DOCK1: variants seen among roughly 807,000 people sequenced by gnomAD.
DOCK1 encodes dedicator of cytokinesis 1.
In DOCK1, 138 loss-of-function variants were observed where a neutral mutation model predicts 262.7. That is an observed-to-expected ratio of 0.53 (90% CI 0.46 to 0.61). The LOEUF (loss-of-function observed/expected upper bound fraction) is 0.61, where lower values mean the gene tolerates loss of function less well. Ranked by LOEUF, DOCK1 falls within the 20% of genes least tolerant of loss-of-function variation. The pLI, the probability that DOCK1 is intolerant of heterozygous loss-of-function variation, is 0.00. For synonymous variants in DOCK1, 866 were observed against 867.4 expected, an observed-to-expected ratio of 1.00 and a Z score of 0.03; for missense variants, 1,908 against 2,370.7, an observed-to-expected ratio of 0.80 and a Z score of 4.05.
Position 127,102,283 on chromosome 10 carries a change from G to A in DOCK1, c.2446-3948G>A, listed in dbSNP as rs541879139. On this transcript the variant is annotated intron_variant, in intron 23 of 51. Coordinates refer to ENST00000623213, the MANE Select transcript of DOCK1 (RefSeq NM_001290223.2). Reference sequence around the variant, plus strand: ...TTCACATGTCTCCACTGTCTCCTCCGTGAAAGGGGATAGTAATAGGCCTCC... The same window carrying A: ...TTCACATGTCTCCACTGTCTCCTCCATGAAAGGGGATAGTAATAGGCCTCC... Among the ~76,000 whole-genome samples the A allele has an allele frequency of 2.6e-5, 4 of 152,288 alleles. No homozygotes were observed. In the South Asian group the frequency reaches 6.2e-4, roughly 24 times the overall value.
intron 1 of DOCK1, among the ~76,000 whole-genome samples, chr10:126,923,196 G>A (rs1206368591): frequency 1.3e-5 from 2 of 152,214 alleles, no homozygotes; most frequent in Non-Finnish European, 2.9e-5. Flanking sequence ...TGGCCCATAG[G>A]CTGTAGTTTG....
intron 29 of DOCK1, among the ~76,000 whole-genome samples, chr10:127,312,816 T>G (rs576358255): frequency 7.5e-6 from 1 of 132,912 alleles, no homozygotes; most frequent in Admixed American, 7.8e-5. Flanking sequence ...ACTCCCTCCC[T>G]CCTTCCCTCC....
At chr10:127,144,149 C>G (rs1432294326) in intron 27 of DOCK1, among the ~76,000 whole-genome samples, 1 of 152,170 alleles carries the variant, frequency 6.6e-6, no homozygotes, top group Non-Finnish European at 1.5e-5. Context: ...AGCTTAGTCT[C>G]CCTCACTCTC....
At chr10:127,151,025 G>T (rs2489390) in intron 27 of DOCK1, among the ~76,000 whole-genome samples, 1 of 152,170 alleles carries the variant, frequency 6.6e-6, no homozygotes, top group South Asian at 2.1e-4. Context: ...AGTTAGGTAC[G>T]TGTCAATTTT....
intron 1 of DOCK1, among the ~76,000 whole-genome samples, chr10:126,913,683 G>C (rs1007550380): frequency 2.6e-5 from 4 of 152,174 alleles, no homozygotes; most frequent in Non-Finnish European, 5.9e-5. Context: ...GAGTATCCAC[G>C]CAGGCACTCC....
At chr10:127,443,313 C>T (rs2070312173) in intron 49 of DOCK1, among the ~76,000 whole-genome samples, 1 of 151,748 alleles carries the variant, frequency 6.6e-6, no homozygotes, top group African/African-American at 2.4e-5. Flanking sequence ...GCCAAGAGAC[C>T]AATTAGTAAA....
intron 35 of DOCK1, among the ~76,000 whole-genome samples, chr10:127,379,772 T>A (rs183456016): frequency 7.9e-4 from 121 of 152,350 alleles, no homozygotes; most frequent in Non-Finnish European, 1.4e-3. Flanking sequence ...GGCTAAGATA[T>A]CATGTCTTCA....
chr10:127,022,966 C>A (rs901711137), intron 13 of DOCK1, among the ~76,000 whole-genome samples: 2 of 152,092 alleles, frequency 1.3e-5, no homozygotes, highest in African/African-American at 4.8e-5. Context: ...CAGATGATAA[C>A]CAAGCAGATC....
In DOCK1 at chr10:127,076,918, C is replaced by T. The variant is rs11016044; in HGVS notation, c.2445+15142C>T. On this transcript the variant is annotated intron_variant, in intron 23 of 51. Coordinates refer to ENST00000623213, the MANE Select transcript of DOCK1 (RefSeq NM_001290223.2). ...TGGCATTTTGCTCCTGCCTTCTTGC[C>T]TGGAGTTTCACTGCTGTCTGCAGGC... 4.2e-3 allele frequency among the ~76,000 whole-genome samples: 636 copies of T among 152,286 alleles called. 2 individuals are homozygous for T. The highest frequency in any genetic ancestry group is 7.3e-3 in the Admixed American group (112 of 15,296).
chr10:127,326,802 A>T (rs1306806509), intron 29 of DOCK1, among the ~76,000 whole-genome samples: 1 of 152,262 alleles, frequency 6.6e-6, no homozygotes, highest in Non-Finnish European at 1.5e-5. Flanking sequence ...TTTCTTAAAT[A>T]ATAAGACTTG....
intron 1 of DOCK1, among the ~76,000 whole-genome samples, chr10:126,923,500 T>C (rs1448223023): frequency 2.0e-5 from 3 of 151,986 alleles, no homozygotes; most frequent in African/African-American, 7.2e-5. Flanking sequence ...GGCAGGTGCC[T>C]GTAATCCCAG....
intron 23 of DOCK1, among the ~76,000 whole-genome samples, chr10:127,085,181 A>G (rs893297770): frequency 2.0e-5 from 3 of 152,142 alleles, no homozygotes; most frequent in Non-Finnish European, 1.5e-5. Context: ...ATCTTTTTGT[A>G]CAACAGTAAG....
intron 31 of DOCK1, among the ~76,000 whole-genome samples, chr10:127,351,532 C>G (rs973989900): frequency 6.6e-6 from 1 of 152,094 alleles, no homozygotes; most frequent in South Asian, 2.1e-4. Context: ...CTTGGATTCT[C>G]TACTCTCCTT....
At position 127,253,109 on chromosome 10, in the gene DOCK1, C is replaced by T. The variant is rs144487185; in HGVS notation, c.2950-4226C>T. Among the ~76,000 whole-genome samples the T allele has an allele frequency of 5.3e-5, 8 of 152,258 alleles. No individual in the cohort carries two copies. The East Asian group carries it at 5.8e-4, about 11-fold the overall frequency. ...GAGACCATCCCAACCCTTTTGGATT[C>T]GAACCACAAAGAATCTGTAGAATCT... On this transcript the variant is annotated intron_variant, in intron 28 of 51. Transcript: ENST00000623213.
chr10:127,428,445 A>AGTGCCTTGTGGATTGGG (rs2068963852), intron 47 of DOCK1, among the ~76,000 whole-genome samples: 1 of 106,986 alleles, frequency 9.3e-6, no homozygotes, highest in South Asian at 3.2e-4. Flanking sequence ...TGTGAATTGG[A>AGTGCCTTGTGGATTGGG]GTGCCTTGTG....
intron 27 of DOCK1, among the ~76,000 whole-genome samples, chr10:127,234,212 GA>G (rs1317040296): frequency 6.6e-6 from 1 of 152,222 alleles, no homozygotes; most frequent in African/African-American, 2.4e-5. Context: ...GCAGAATTAA[GA>G]CCTACAGTGA....
intron 25 of DOCK1, among the ~76,000 whole-genome samples, chr10:127,123,216 G>A (rs1048439924): frequency 1.3e-5 from 2 of 152,178 alleles, no homozygotes; most frequent in African/African-American, 4.8e-5. Context: ...GTCAGGGGCT[G>A]TCATTACCTG....
intron 4 of DOCK1, among the ~76,000 whole-genome samples, chr10:126,984,384 G>A (rs10443992): frequency 0.059 from 8,937 of 152,190 alleles, 301 homozygotes; most frequent in Non-Finnish European, 0.068. Context: ...GTCTTGCTCT[G>A]TCACCCAGGT....
At chr10:127,099,288 A>G (rs2048093901) in intron 23 of DOCK1, among the ~76,000 whole-genome samples, 1 of 152,222 alleles carries the variant, frequency 6.6e-6, no homozygotes, top group East Asian at 1.9e-4. Flanking sequence ...GACAAAGCAG[A>G]CTGAAATAGT....
Sources: allele counts gnomAD v4.1 joint callset (sites outside exome capture counted in the v4.1 genomes callset), GRCh38; gene constraint gnomAD v4.1.1; transcripts MANE v1.5; gene names NCBI Gene and HGNC (gene_info 2026-07-23, HGNC 2026-07-21).